UFM1: variants seen among roughly 807,000 people sequenced by gnomAD.
The protein encoded by UFM1 is ubiquitin fold modifier 1.
A neutral mutation model predicts 15.4 loss-of-function variants in UFM1; 9 were observed. The ratio of observed to expected loss-of-function variants is 0.59; its 90% CI spans 0.35 to 1.02. The LOEUF (loss-of-function observed/expected upper bound fraction) is 1.02, where lower values mean the gene tolerates loss of function less well. Among genes scored for constraint, UFM1 ranks in the 50% least tolerant of loss-of-function variants. The probability of loss-of-function intolerance (pLI) is 0.02; values close to 1 mark genes in which losing one functional copy is unlikely to be tolerated. For synonymous variants in UFM1, 27 were observed against 36.3 expected, an observed-to-expected ratio of 0.74 and a Z score of 0.92; for missense variants, 98 against 104.7, an observed-to-expected ratio of 0.94 and a Z score of 0.28.
At chr13:38,357,936 T>C (rs1879184758) in intron 3 of UFM1, among the ~76,000 whole-genome samples, 157 bp from the exon 4 acceptor site, 3 of 151,886 alleles carry the variant, frequency 2.0e-5, no homozygotes, top group African/African-American at 7.2e-5. Flanking sequence ...AAGGGTCAGC[T>C]GTACTTTCCT....
intron 3 of UFM1, among the ~76,000 whole-genome samples, chr13:38,357,024 T>C (rs1442335036): frequency 1.3e-5 from 2 of 152,070 alleles, no homozygotes; most frequent in Admixed American, 6.5e-5. Context: ...AAAAAACACA[T>C]CTTTTTAAAC....
At position 38,361,524 on chromosome 13, in the gene UFM1, GT is replaced by G. The variant is rs1879386152; in HGVS notation, c.*747del. The G allele has an allele frequency of 6.6e-6, 1 of 152,088 alleles. No individual in the cohort carries two copies. 9.4% of individuals were successfully genotyped at this position (152,088 alleles called of 1,614,324 possible). ...TCTTTTGATACAACATTTAAAACAAGTAGCTTCAAGAAACCACTGGTGTTTT... is the reference window on the plus strand; with the variant it reads ...TCTTTTGATACAACATTTAAAACAAGAGCTTCAAGAAACCACTGGTGTTTT... On this transcript the variant is annotated 3_prime_UTR_variant, in exon 6 of 6. Transcript: ENST00000239878.
intron 3 of UFM1, 135 bp from the exon 4 acceptor site, chr13:38,357,958 C>T: frequency 2.5e-6 from 1 of 403,552 alleles, no homozygotes; most frequent in Non-Finnish European, 4.2e-6. Context: ...GATAGTTTCA[C>T]TTATTCTAAA....
At chr13:38,355,872 A>G (rs930679992) in intron 3 of UFM1, among the ~76,000 whole-genome samples, 3 of 152,000 alleles carry the variant, frequency 2.0e-5, no homozygotes, top group Non-Finnish European at 3.0e-5. Flanking sequence ...GACTCAAGAA[A>G]GCAAGAGTCT....
rs1406238144 is a variant in UFM1, at chr13:38,362,511, C to T, written c.*1733C>T. 6.6e-6 allele frequency: 1 copy of T among 150,670 alleles called. No individual in the cohort carries two copies. Among genetic ancestry groups the T allele is most frequent in the Admixed American group, 6.6e-5 (1 of 15,124 alleles). The allele number at this position is 150,670 out of a possible 1,614,324, so 9.3% of individuals were successfully genotyped here. On this transcript the variant is annotated 3_prime_UTR_variant, in exon 6 of 6. Coordinates refer to ENST00000239878, the MANE Select transcript of UFM1 (RefSeq NM_016617.4). ...CAGACTCTCTGTCGCCAGGCTTCTC[C>T]TGCCTCAGCCTCACGAGTAGCTGGG...
chr13:38,353,979 A>G (rs1181844241), intron 2 of UFM1, among the ~76,000 whole-genome samples: 1 of 152,128 alleles, frequency 6.6e-6, no homozygotes, highest in African/African-American at 2.4e-5. Flanking sequence ...TGTTAGAAAT[A>G]TATAAATCTA....
rs1191492340 is a variant in UFM1 at position 38,363,349 on chromosome 13, T to C, written c.*2571T>C. ...GGCCATACCAAATAGCCTAAGTTTG[T>C]AGTAGGTGACATCAACTAGGTTTGT... is the stretch of plus-strand genomic sequence containing the variant. On this transcript the variant is annotated 3_prime_UTR_variant, in exon 6 of 6. Coordinates refer to ENST00000239878, the MANE Select transcript of UFM1 (RefSeq NM_016617.4). The C allele has an allele frequency of 6.6e-6, 1 of 152,186 alleles. No individual in the cohort carries two copies. Among genetic ancestry groups the C allele is most frequent in the African/African-American group, 2.4e-5 (1 of 41,430 alleles). 9.4% of individuals were successfully genotyped at this position (152,186 alleles called of 1,614,324 possible).
At chr13:38,357,749 A>G (rs1049199339) in intron 3 of UFM1, among the ~76,000 whole-genome samples, 1 of 151,974 alleles carries the variant, frequency 6.6e-6, no homozygotes, top group Admixed American at 6.6e-5. Context: ...CGTTAAAGAA[A>G]AAATACTAAG....
At chr13:38,352,105 T>TC (rs1237820120) in intron 2 of UFM1, among the ~76,000 whole-genome samples, 49 of 145,262 alleles carry the variant, frequency 3.4e-4, no homozygotes, top group African/African-American at 1.2e-3. Context: ...TTTCTTTCTT[T>TC]TTTTTTTTTT....
At chr13:38,357,505 A>G (rs1359155379) in intron 3 of UFM1, among the ~76,000 whole-genome samples, 1 of 43,152 alleles carries the variant, frequency 2.3e-5, no homozygotes, top group East Asian at 6.0e-4. Flanking sequence ...CACTGTTTAT[A>G]ATACAGGGTT....
chr13:38,359,357 G>A, intron 5 of UFM1, 24 bp downstream of exon 5: 4 of 1,610,446 alleles, frequency 2.5e-6, no homozygotes, highest in Non-Finnish European at 3.4e-6. Context: ...AACTCATAGA[G>A]GAGTGGGTGG....
intron 4 of UFM1, among the ~76,000 whole-genome samples, chr13:38,358,529 T>A (rs1263301899): frequency 6.6e-6 from 1 of 151,910 alleles, no homozygotes; most frequent in Admixed American, 6.6e-5. Context: ...CTTGCAATAA[T>A]GAGAATTTTA....
chr13:38,363,303 G>A lies in UFM1; in HGVS notation c.*2525G>A, dbSNP rs1465328213. ...TTAGGTACAGTAACATGCTCTACAG[G>A]TTTGTAGCCTAGGAGCAATAGGCCA... On this transcript the variant is annotated 3_prime_UTR_variant, in exon 6 of 6. Transcript: ENST00000239878. The A allele has an allele frequency of 6.6e-6, 1 of 152,092 alleles. No individual in the cohort carries two copies. Among genetic ancestry groups the A allele is most frequent in the Non-Finnish European group, 1.5e-5 (1 of 68,030 alleles). The allele number at this position is 152,092 out of a possible 1,614,324, so 9.4% of individuals were successfully genotyped here.
At chr13:38,352,857 C>T (rs1177549602) in intron 2 of UFM1, among the ~76,000 whole-genome samples, 2 of 152,112 alleles carry the variant, frequency 1.3e-5, no homozygotes, top group Non-Finnish European at 1.5e-5. Context: ...GTGAATTGAA[C>T]TCCAAGGGTT....
chr13:38,352,570 C>G (rs1878910947), intron 2 of UFM1, among the ~76,000 whole-genome samples: 1 of 152,080 alleles, frequency 6.6e-6, no homozygotes. Context: ...TAAATTTATT[C>G]AAAACACTGG....
Position 38,350,063 on chromosome 13 carries a change from G to C in UFM1, c.59+8G>C, listed in dbSNP as rs372350077. 1.2e-6 allele frequency: 2 copies of C among 1,614,234 alleles called. No homozygotes were observed. The highest frequency in any genetic ancestry group is 1.7e-6 in the Non-Finnish European group (2 of 1,180,044). On this transcript the variant is annotated splice_region_variant and intron_variant, in intron 2 of 5. Coordinates refer to ENST00000239878, the MANE Select transcript of UFM1 (RefSeq NM_016617.4). ...ACGGCTGCCGTACAAAGTGTGAGTA[G>C]CTCGGCCGAGATGGGCCTTTTGGGG... is the stretch of plus-strand genomic sequence containing the variant.
intron 3 of UFM1, among the ~76,000 whole-genome samples, chr13:38,355,916 G>A (rs74868151): frequency 1.3e-5 from 2 of 151,736 alleles, no homozygotes; most frequent in Admixed American, 6.6e-5. Context: ...GCCTTAGTAA[G>A]CAATAATAAA....
chr13:38,355,855 A>C (rs1335269873), intron 3 of UFM1, among the ~76,000 whole-genome samples: 3 of 151,878 alleles, frequency 2.0e-5, no homozygotes, highest in African/African-American at 7.2e-5. Context: ...CAGTGAGAAC[A>C]AAAGTTGACT....
At chr13:38,358,035 TTTTGTG>T (rs1238255118) in intron 3 of UFM1, 52 bp from the exon 4 acceptor site, 1 of 675,860 alleles carries the variant, frequency 1.5e-6, no homozygotes, top group East Asian at 3.9e-5. Flanking sequence ...TATCTTATAG[TTTTGTG>T]TGTGTGTGTG....
Sources: gnomAD v4.1 joint callset for allele counts (sites outside exome capture counted in the v4.1 genomes callset) on GRCh38, gnomAD v4.1.1 for gene constraint, MANE v1.5 for transcripts, NCBI Gene and HGNC (gene_info 2026-07-23, HGNC 2026-07-21) for gene names.